MYO5B: variants seen among roughly 807,000 people sequenced by gnomAD.
MYO5B encodes the protein unconventional myosin-Vb.
Under a neutral mutation model 229.3 loss-of-function variants are expected in MYO5B, and 143 were observed. The ratio of observed to expected loss-of-function variants is 0.62; its 90% CI spans 0.54 to 0.72. MYO5B has a LOEUF of 0.72. MYO5B is among the 30% of genes least tolerant of loss of function. The pLI, the probability that MYO5B is intolerant of heterozygous loss-of-function variation, is 0.00. For missense variants in MYO5B, 2,321 were observed against 2,331.0 expected, an observed-to-expected ratio of 1.00 and a Z score of 0.09; for synonymous variants, 918 against 885.2, an observed-to-expected ratio of 1.04 and a Z score of -0.66.
rs148443846 is a variant in MYO5B, at chr18:49,992,059, G to A, written c.756+229C>T. 6.0e-4 allele frequency among the ~76,000 whole-genome samples: 91 copies of A among 152,242 alleles called. No individual in the cohort carries two copies. In the Middle Eastern group the frequency reaches 0.01, roughly 17 times the overall value. ...AGCTAACACATAAGAGGCATTCAAC[G>A]TTTGTTGATTGAATCTGAAAACAGT... is the stretch of plus-strand genomic sequence containing the variant. On this transcript the variant is annotated intron_variant, in intron 6 of 39. Transcript: ENST00000285039.
intron 1 of MYO5B, among the ~76,000 whole-genome samples, chr18:50,073,514 C>T (rs1027789856): frequency 3.3e-5 from 5 of 152,186 alleles, no homozygotes; most frequent in African/African-American, 7.2e-5. Context: ...TGGCTCCCCT[C>T]GTCCATGCAC....
At chr18:50,118,849 T>G (rs2032012300) in intron 1 of MYO5B, among the ~76,000 whole-genome samples, 1 of 152,098 alleles carries the variant, frequency 6.6e-6, no homozygotes, top group Non-Finnish European at 1.5e-5. Flanking sequence ...CATGTTGGCA[T>G]TTCTAACAAG....
intron 5 of MYO5B, 139 bp from the exon 6 acceptor site, chr18:49,992,570 G>T: frequency 1.6e-6 from 2 of 1,274,092 alleles, no homozygotes; most frequent in Non-Finnish European, 1.1e-6. Flanking sequence ...ACAATGAACT[G>T]AGCTAAAGAA....
At chr18:50,050,420 T>C (rs1315082943) in intron 2 of MYO5B, among the ~76,000 whole-genome samples, 1 of 152,206 alleles carries the variant, frequency 6.6e-6, no homozygotes, top group East Asian at 1.9e-4. Flanking sequence ...CTATAGCTTC[T>C]TGACATGAGG....
At chr18:49,964,860 C>T (rs1598916580) in intron 10 of MYO5B, among the ~76,000 whole-genome samples, 1 of 152,072 alleles carries the variant, frequency 6.6e-6, no homozygotes, top group Non-Finnish European at 1.5e-5. Flanking sequence ...AAGGTGGAAC[C>T]GTTAGAGGGG....
intron 1 of MYO5B, among the ~76,000 whole-genome samples, chr18:50,080,026 T>G (rs561516650): frequency 6.6e-6 from 1 of 152,178 alleles, no homozygotes; most frequent in African/African-American, 2.4e-5. Context: ...AGTTTACAAT[T>G]TAGCCACTTT....
chr18:50,112,903 T>C (rs79255852), intron 1 of MYO5B, among the ~76,000 whole-genome samples: 1 of 152,222 alleles, frequency 6.6e-6, no homozygotes, highest in African/African-American at 2.4e-5. Flanking sequence ...AATAAGACAT[T>C]TGTTAGCACA....
chr18:49,893,611 C>T (rs1274952949), intron 22 of MYO5B, among the ~76,000 whole-genome samples: 2 of 152,232 alleles, frequency 1.3e-5, no homozygotes, highest in Admixed American at 6.5e-5. Flanking sequence ...CAAAGCAGCA[C>T]ATCAGGAGTG....
chr18:50,070,868 GATC>G (rs1227532623), intron 1 of MYO5B, among the ~76,000 whole-genome samples: 3 of 151,824 alleles, frequency 2.0e-5, no homozygotes, highest in Non-Finnish European at 2.9e-5. Context: ...TTTGAGACAG[GATC>G]TCATTCTGTC....
chr18:49,831,082 C>G (rs988630112), intron 39 of MYO5B, among the ~76,000 whole-genome samples: 10 of 151,988 alleles, frequency 6.6e-5, no homozygotes, highest in Admixed American at 6.6e-4. Flanking sequence ...GCTGAGACAA[C>G]TGGATATCCA....
At position 50,001,126 on chromosome 18, in the gene MYO5B, T is replaced by G. The variant is rs1026956319; in HGVS notation, c.612+129A>C. On this transcript the variant is annotated intron_variant, in intron 5 of 39. Coordinates refer to ENST00000285039, the MANE Select transcript of MYO5B (RefSeq NM_001080467.3). ...GTTTTAGAGGCAGCTTGGTAACTTT[T>G]CCTCCACAGTGGACAGAGGGCTCTC... 5.7e-6 allele frequency: 7 copies of G among 1,229,044 alleles called. No individual in the cohort carries two copies. In the Admixed American group the frequency reaches 6.8e-5, roughly 12 times the overall value. The allele number at this position is 1,229,044 out of a possible 1,614,324, so 76.1% of individuals were successfully genotyped here. A position where few individuals can be genotyped will look rare whatever the true frequency, so the allele number is the denominator to read the frequency against.
At chr18:49,938,189 T>C (rs2025272303) in intron 14 of MYO5B, among the ~76,000 whole-genome samples, 1 of 152,322 alleles carries the variant, frequency 6.6e-6, no homozygotes, top group African/African-American at 2.4e-5. Flanking sequence ...ACTTCCCTGA[T>C]ACCTGTTTTC....
At chr18:49,846,744 G>C (rs1054105418) in intron 33 of MYO5B, among the ~76,000 whole-genome samples, 1 of 152,116 alleles carries the variant, frequency 6.6e-6, no homozygotes, top group Non-Finnish European at 1.5e-5. Context: ...GAGGATTAAA[G>C]GAGGGATGAG....
At chr18:50,186,635 T>C (rs182935293) in intron 1 of MYO5B, among the ~76,000 whole-genome samples, 30 of 152,274 alleles carry the variant, frequency 2.0e-4, no homozygotes. Flanking sequence ...AGCCACATAA[T>C]GCTGACTGCC....
intron 29 of MYO5B, among the ~76,000 whole-genome samples, 169 bp downstream of exon 29, chr18:49,863,058 G>T (rs1004556884): frequency 2.0e-5 from 3 of 152,196 alleles, no homozygotes; most frequent in Non-Finnish European, 4.4e-5. Flanking sequence ...GAGCCTTGCT[G>T]AGCTAACAGT....
intron 27 of MYO5B, among the ~76,000 whole-genome samples, chr18:49,864,930 TG>T (rs1332384298): frequency 2.0e-5 from 3 of 152,200 alleles, no homozygotes; most frequent in African/African-American, 7.2e-5. Flanking sequence ...AGCCACCAAC[TG>T]TCCCTGTCAG....
intron 1 of MYO5B, among the ~76,000 whole-genome samples, chr18:50,180,470 A>T (rs1053590483): frequency 6.6e-6 from 1 of 152,152 alleles, no homozygotes; most frequent in African/African-American, 2.4e-5. Context: ...CCAATCCCCC[A>T]TCTAAACACC....
At chr18:49,878,239 T>C (rs1281287835) in intron 24 of MYO5B, among the ~76,000 whole-genome samples, 4 of 152,310 alleles carry the variant, frequency 2.6e-5, no homozygotes, top group Middle Eastern at 3.4e-3. Flanking sequence ...CTGCCCAGAA[T>C]GGCCCCTCCC....
At chr18:50,081,169 C>G (rs1222493751) in intron 1 of MYO5B, among the ~76,000 whole-genome samples, 1 of 152,128 alleles carries the variant, frequency 6.6e-6, no homozygotes, top group Non-Finnish European at 1.5e-5. Flanking sequence ...GTTGACAAAG[C>G]CTGGATTTAG....
Sources: allele counts gnomAD v4.1 joint callset (sites outside exome capture counted in the v4.1 genomes callset), GRCh38; gene constraint gnomAD v4.1.1; transcripts MANE v1.5; gene names NCBI Gene and HGNC (gene_info 2026-07-23, HGNC 2026-07-21).